The following LHFPL3 variants were observed in gnomAD, a reference collection of about 807,000 sequenced individuals.
LHFPL3 encodes LHFPL tetraspan subfamily member 3 protein.
Under a neutral mutation model 19.3 loss-of-function variants are expected in LHFPL3, and 5 were observed. The ratio of observed to expected loss-of-function variants is 0.26; its 90% confidence interval spans 0.14 to 0.54. LHFPL3 has a LOEUF of 0.54. LHFPL3 is among the 20% of genes least tolerant of loss of function. LHFPL3 has a pLI of 0.94. For missense variants in LHFPL3, 249 were observed against 307.4 expected (o/e 0.81, Z 1.42); for synonymous variants, 133 against 126.2 (o/e 1.05, Z -0.36).
chr7:104,465,631 AG>A (rs1359381885), intron 1 of LHFPL3, among the ~76,000 whole-genome samples: 4 of 152,188 alleles, frequency 2.6e-5, no homozygotes, highest in Non-Finnish European at 5.9e-5. Flanking sequence ...AGTGGGGGAA[AG>A]CCCCTTATAA....
Position 104,866,774 on chromosome 7 carries a change from T to A in LHFPL3, c.683-39413T>A, listed in dbSNP as rs1791730664. ...CCACCCCAAATCAACAGAATATACA[T>A]TCTTTTCAGCACCACACAGCACTTA... On this transcript the variant is annotated intron_variant, in intron 2 of 2. Transcript: ENST00000424859. Among the ~76,000 whole-genome samples, 2 of 152,204 alleles carry A rather than the reference T, an allele frequency of 1.3e-5. 1 individual carries two copies. The highest frequency in any genetic ancestry group is 4.8e-5 in the African/African-American group (2 of 41,454).
chr7:104,778,804 A>G (rs1794675356), intron 2 of LHFPL3, among the ~76,000 whole-genome samples: 1 of 152,362 alleles, frequency 6.6e-6, no homozygotes, highest in African/African-American at 2.4e-5. Flanking sequence ...GTCAGCAACC[A>G]TTCTGTGTTT....
At chr7:104,454,722 G>A (rs907905427) in intron 1 of LHFPL3, among the ~76,000 whole-genome samples, 10 of 152,102 alleles carry the variant, frequency 6.6e-5, no homozygotes, top group African/African-American at 1.7e-4. Context: ...CATAGAATGA[G>A]CTCCATTGTT....
intron 1 of LHFPL3, among the ~76,000 whole-genome samples, chr7:104,569,404 T>C (rs1376425284): frequency 6.6e-6 from 1 of 152,216 alleles, no homozygotes; most frequent in Non-Finnish European, 1.5e-5. Context: ...ATAAATATTC[T>C]CACTCATGGC....
chr7:104,710,678 T>C (rs966299673), intron 1 of LHFPL3, among the ~76,000 whole-genome samples: 4 of 152,198 alleles, frequency 2.6e-5, no homozygotes, highest in Non-Finnish European at 4.4e-5. Context: ...GTAATAATAG[T>C]ATCTACTTCA....
intron 1 of LHFPL3, among the ~76,000 whole-genome samples, chr7:104,502,147 G>C (rs548934129): frequency 1.3e-5 from 2 of 152,276 alleles, no homozygotes; most frequent in African/African-American, 4.8e-5. Context: ...AATTAATTCA[G>C]ATTTTTTTCA....
At chr7:104,673,579 G>T (rs966112568) in intron 1 of LHFPL3, among the ~76,000 whole-genome samples, 2 of 152,202 alleles carry the variant, frequency 1.3e-5, no homozygotes, top group African/African-American at 4.8e-5. Context: ...CAAAAGCAGT[G>T]TGCATTAGAC....
At chr7:104,654,688 A>G (rs1562958939) in intron 1 of LHFPL3, among the ~76,000 whole-genome samples, 1 of 152,212 alleles carries the variant, frequency 6.6e-6, no homozygotes, top group Non-Finnish European at 1.5e-5. Flanking sequence ...TTGTAAGGTC[A>G]TGGTGTCTCG....
chr7:104,823,590 AATAGATATTATGCCATAAAGATCACT>A (rs1790719707), intron 2 of LHFPL3, among the ~76,000 whole-genome samples: 1 of 152,212 alleles, frequency 6.6e-6, no homozygotes, highest in South Asian at 2.1e-4. Flanking sequence ...TTTAGCTTGA[AATAGATATTATGCCATAAAGATCACT>A]ATAGATTTAT....
chr7:104,349,010 T>G (rs1440914685), intron 1 of LHFPL3, among the ~76,000 whole-genome samples: 2 of 152,172 alleles, frequency 1.3e-5, no homozygotes, highest in Non-Finnish European at 2.9e-5. Context: ...CTCCTTTTCC[T>G]TCTATCCTCC....
At chr7:104,480,115 G>A (rs76949564) in intron 1 of LHFPL3, among the ~76,000 whole-genome samples, 14,913 of 152,224 alleles carry the variant, frequency 0.098, 845 homozygotes, top group South Asian at 0.18. Context: ...TTGCATAGTA[G>A]GTAGATCAGG....
chr7:104,548,647 TC>T (rs1349023258), intron 1 of LHFPL3, among the ~76,000 whole-genome samples: 1 of 152,160 alleles, frequency 6.6e-6, no homozygotes, highest in East Asian at 1.9e-4. Context: ...CCACTAAGAA[TC>T]CCTGTCAAGG....
rs565168699 is a variant in LHFPL3, at chr7:104,859,266, C to CAA, written c.683-46909_683-46908dup. ...TGGGCAACAGAGTAAGACACTGTCT[C>CAA]AAAAAAAAAAAAACAAAAAACCAAA... is the stretch of plus-strand genomic sequence containing the variant. On this transcript the variant is annotated intron_variant, in intron 2 of 2. Coordinates refer to ENST00000424859, the MANE Select transcript of LHFPL3 (RefSeq NM_199000.3). Among the ~76,000 whole-genome samples, 544 of 131,494 alleles carry CAA rather than the reference C, an allele frequency of 4.1e-3. 13 individuals carry two copies. The East Asian group carries it at 0.059, about 14-fold the overall frequency. The allele number at this position is 131,494 out of a possible 152,430, so 86.3% of individuals were successfully genotyped here.
At chr7:104,476,686 C>T (rs927299301) in intron 1 of LHFPL3, among the ~76,000 whole-genome samples, 5 of 152,252 alleles carry the variant, frequency 3.3e-5, no homozygotes, top group South Asian at 4.2e-4. Flanking sequence ...GCTTGAACTC[C>T]CTTCCTCAGG....
chr7:104,650,450 T>C (rs893199100), intron 1 of LHFPL3, among the ~76,000 whole-genome samples: 3 of 152,196 alleles, frequency 2.0e-5, no homozygotes, highest in Non-Finnish European at 1.5e-5. Context: ...TCCCTTCAGG[T>C]GAGAGTTAGC....
At chr7:104,552,651 T>C (rs907130336) in intron 1 of LHFPL3, among the ~76,000 whole-genome samples, 3 of 152,204 alleles carry the variant, frequency 2.0e-5, no homozygotes, top group African/African-American at 7.2e-5. Context: ...CATTCAGTTC[T>C]TGGCCATTCC....
At chr7:104,677,917 C>T (rs977691683) in intron 1 of LHFPL3, among the ~76,000 whole-genome samples, 2 of 152,158 alleles carry the variant, frequency 1.3e-5, no homozygotes, top group Non-Finnish European at 2.9e-5. Flanking sequence ...TACGGAACCA[C>T]GTGCAGAAAT....
intron 2 of LHFPL3, among the ~76,000 whole-genome samples, chr7:104,843,394 A>T (rs1185504681): frequency 6.6e-6 from 1 of 152,222 alleles, no homozygotes; most frequent in Non-Finnish European, 1.5e-5. Flanking sequence ...TCTGTGTTTC[A>T]GGGAGCCAAG....
At chr7:104,786,243 C>T (rs1206098998) in intron 2 of LHFPL3, among the ~76,000 whole-genome samples, 3 of 152,172 alleles carry the variant, frequency 2.0e-5, no homozygotes, top group Non-Finnish European at 4.4e-5. Context: ...AATTCAGCGA[C>T]CCGCTTGGAA....
Sources: gnomAD v4.1 joint callset for allele counts (sites outside exome capture counted in the v4.1 genomes callset) on GRCh38, gnomAD v4.1.1 for gene constraint, MANE v1.5 for transcripts, NCBI Gene and HGNC (gene_info 2026-07-23, HGNC 2026-07-21) for gene names.